The following RGS3 variants were observed in gnomAD, a reference collection of about 807,000 sequenced individuals.
RGS3 encodes the protein regulator of G-protein signalling 3.
RGS3 carries 80 observed loss-of-function variants against 132.6 expected under a neutral mutation model. The ratio of observed to expected loss-of-function variants is 0.60; its 90% CI spans 0.50 to 0.73. The LOEUF (loss-of-function observed/expected upper bound fraction) is 0.73. Ranked by LOEUF, RGS3 falls within the 30% of genes least tolerant of loss-of-function variation. RGS3 has a pLI of 0.00. For synonymous variants in RGS3, 598 were observed against 620.6 expected, an observed-to-expected ratio of 0.96 and a Z score of 0.54; for missense variants, 1,382 against 1,530.8, an observed-to-expected ratio of 0.90 and a Z score of 1.62.
At chr9:113,528,437 C>T (rs937058737) in intron 17 of RGS3, among the ~76,000 whole-genome samples, 15 of 152,220 alleles carry the variant, frequency 9.9e-5, no homozygotes, top group African/African-American at 3.6e-4. Context: ...TCCTTTCTTC[C>T]CACCTTGAGT....
intron 22 of RGS3, 101 bp from the exon 21 acceptor site, chr9:113,594,818 G>T (rs952615302): frequency 8.6e-7 from 1 of 1,157,140 alleles, no homozygotes; most frequent in Non-Finnish European, 1.3e-6. Flanking sequence ...CTCAGCTGCA[G>T]ACTGGGCCCA....
chr9:113,466,283 T>C (rs181149608), intron 3 of RGS3, among the ~76,000 whole-genome samples: 2 of 152,360 alleles, frequency 1.3e-5, no homozygotes, highest in East Asian at 1.9e-4. Context: ...GCCCCTGGCC[T>C]TCTACTGTGA....
chr9:113,573,936 G>A (rs1042330124), intron 19 of RGS3, among the ~76,000 whole-genome samples: 2 of 152,212 alleles, frequency 1.3e-5, no homozygotes, highest in Non-Finnish European at 2.9e-5. Context: ...TTGGAGTCAG[G>A]CAGACCATGG....
chr9:113,583,479 G>A (rs771238192), exon 20 of RGS3: 33 of 1,614,218 alleles, frequency 2.0e-5, no homozygotes, highest in Non-Finnish European at 1.9e-5. Context: ...ATGAGAAGAG[G>A]GAGATGGCCT....
Position 113,508,754 on chromosome 9 carries a change from A to G in RGS3, c.1477+174A>G, listed in dbSNP as rs539896195. 6.6e-5 allele frequency among the ~76,000 whole-genome samples: 10 copies of G among 152,318 alleles called. No individual in the cohort carries two copies. In the South Asian group the frequency reaches 1.7e-3, roughly 25 times the overall value. ...GGTACCTTTTCTCCCTCACGGAACC[A>G]ATGTCTTTCTTCCTTGAAGCCAGAA... On this transcript the variant is annotated intron_variant, in intron 14 of 24. Transcript: ENST00000350696.
intron 14 of RGS3, among the ~76,000 whole-genome samples, chr9:113,513,704 C>T (rs1159144737): frequency 1.3e-5 from 2 of 152,208 alleles, no homozygotes; most frequent in Admixed American, 1.3e-4. Flanking sequence ...AGCTGGTAAG[C>T]AGGGGAGCAG....
chr9:113,500,203 G>A (rs1391985344), intron 10 of RGS3, among the ~76,000 whole-genome samples: 1 of 152,188 alleles, frequency 6.6e-6, no homozygotes, highest in African/African-American at 2.4e-5. Flanking sequence ...CAGCAAAGAG[G>A]GTGTGCTTCT....
chr9:113,529,087 CCATGCCTGCCTCT>C, intron 17 of RGS3, 121 bp from the exon 16 acceptor site: 2 of 728,044 alleles, frequency 2.7e-6, no homozygotes, highest in South Asian at 3.1e-5. Flanking sequence ...TCCCTGCCTC[CCATGCCTGCCTCT>C]CTCTTTTCCC....
chr9:113,596,835 T>G (rs1835807246), exon 25 of RGS3: 2 of 1,613,752 alleles, frequency 1.2e-6, no homozygotes, highest in Non-Finnish European at 1.7e-6. Context: ...CGGGGCTGCT[T>G]CGACCTGGCA....
chr9:113,574,910 C>G (rs555359987), intron 19 of RGS3, among the ~76,000 whole-genome samples: 14 of 152,272 alleles, frequency 9.2e-5, no homozygotes, highest in African/African-American at 3.4e-4. Context: ...AAGCTAGGAA[C>G]CCCCCTGCTC....
chr9:113,597,243 G>A (rs575310482), exon 25 of RGS3: 48 of 332,408 alleles, frequency 1.4e-4, no homozygotes, highest in Middle Eastern at 8.4e-4. Context: ...TCCCTGCTGC[G>A]GAGACCGCGG....
upstream of RGS3, chr9:113,460,239 G>A (rs1477183118): frequency 8.3e-6 from 10 of 1,208,090 alleles, no homozygotes; most frequent in Non-Finnish European, 1.1e-5. Flanking sequence ...ATTTTCTCCT[G>A]GCCAGGCGCA....
chr9:113,469,540 T>C (rs917574141), intron 3 of RGS3, among the ~76,000 whole-genome samples: 1 of 152,136 alleles, frequency 6.6e-6, no homozygotes, highest in East Asian at 1.9e-4. Flanking sequence ...GTTTGAAATA[T>C]TATACAGACA....
chr9:113,463,924 G>C lies in RGS3; in HGVS notation c.415+1723G>C, dbSNP rs1829544605. On this transcript the variant is annotated intron_variant, in intron 3 of 24. Coordinates refer to ENST00000350696, the Ensembl canonical transcript of RGS3. The surrounding 1 kb of genome is among the most constrained non-coding windows in gnomAD (Gnocchi z 4.6). The stretch of plus-strand genomic sequence containing the variant: ...CTGGCGGCAGGGGCTGCTTCACCCT[G>C]CTCCCAGCGCCCAGAAACGCAGCCC... 6.2e-7 allele frequency: 1 copy of C among 1,603,380 alleles called. No individual in the cohort carries two copies. The highest frequency in any genetic ancestry group is 8.5e-7 in the Non-Finnish European group (1 of 1,173,496).
chr9:113,528,732 T>C (rs1004204144), intron 17 of RGS3, among the ~76,000 whole-genome samples: 1 of 152,192 alleles, frequency 6.6e-6, no homozygotes, highest in Non-Finnish European at 1.5e-5. Flanking sequence ...GTCTCTGGGC[T>C]CCACCCAGTC....
chr9:113,568,292 G>C (rs1034765242), intron 19 of RGS3, among the ~76,000 whole-genome samples: 1 of 152,134 alleles, frequency 6.6e-6, no homozygotes, highest in African/African-American at 2.4e-5. Flanking sequence ...TTGGACCTTC[G>C]GGCTCACTGA....
intron 20 of RGS3, 44 bp downstream of exon 18, chr9:113,584,471 G>T (rs746112974): frequency 7.4e-6 from 11 of 1,488,496 alleles, no homozygotes; most frequent in South Asian, 1.4e-5. Flanking sequence ...ATGCAATGTG[G>T]GGAGGGCTGG....
rs1564624984 is a variant in RGS3, at chr9:113,594,109, CGGCTT to C, written c.3081-319_3081-315del. ...GCTCCTCCTGTCTGAGTCCCAGCCC[CGGCTT>C]GTGCCTGGGAGTCCAGTCATCAGGC... On this transcript the variant is annotated intron_variant, in intron 21 of 24. Transcript: ENST00000350696. The C allele has an allele frequency of 1.9e-6, 3 of 1,613,114 alleles. No individual in the cohort carries two copies. In the Admixed American group the frequency reaches 5.0e-5, roughly 27 times the overall value.
At chr9:113,534,610 ATTTTT>A (rs58115176) in intron 18 of RGS3, among the ~76,000 whole-genome samples, 3 of 128,752 alleles carry the variant, frequency 2.3e-5, no homozygotes, top group Admixed American at 8.1e-5. Flanking sequence ...GTACAGATGA[ATTTTT>A]TTTTTTTTTT....
Sources: allele counts gnomAD v4.1 joint callset (sites outside exome capture counted in the v4.1 genomes callset), GRCh38; gene constraint gnomAD v4.1.1; non-coding constraint Gnocchi (gnomAD v3.1); transcripts MANE v1.5; gene names NCBI Gene and HGNC (gene_info 2026-07-23, HGNC 2026-07-21).